Variants in PTPRE observed in about 807,000 individuals in gnomAD.
The protein encoded by PTPRE is protein tyrosine phosphatase receptor type E.
PTPRE carries 51 observed loss-of-function variants against 102.0 expected under a neutral mutation model. That is an observed-to-expected ratio of 0.50 (90% CI 0.40 to 0.63). The LOEUF is 0.63. PTPRE is among the 30% of genes least tolerant of loss of function. The pLI, the probability that PTPRE is intolerant of heterozygous loss-of-function variation, is 0.00. For synonymous variants in PTPRE, 345 were observed against 348.2 expected (o/e 0.99, Z 0.10); for missense variants, 752 against 915.1 (o/e 0.82, Z 2.30).
At chr10:127,957,313 G>A (rs1382744604) in intron 1 of PTPRE, among the ~76,000 whole-genome samples, 1 of 152,072 alleles carries the variant, frequency 6.6e-6, no homozygotes, top group Admixed American at 6.5e-5. Context: ...TCCCAGCACC[G>A]TATGTTGAAA....
chr10:128,019,731 G>C (rs567627378), intron 2 of PTPRE, among the ~76,000 whole-genome samples: 2 of 152,186 alleles, frequency 1.3e-5, no homozygotes, highest in Non-Finnish European at 2.9e-5. Context: ...TCTGTTGGGC[G>C]GGGAGCTCAG....
At chr10:128,033,951 C>T (rs1417955337) in intron 2 of PTPRE, among the ~76,000 whole-genome samples, 1 of 152,196 alleles carries the variant, frequency 6.6e-6, no homozygotes, top group African/African-American at 2.4e-5. Context: ...AGCCTCACAG[C>T]ATTTATAATT....
At chr10:128,025,999 G>A (rs1846261874) in intron 2 of PTPRE, among the ~76,000 whole-genome samples, 1 of 152,172 alleles carries the variant, frequency 6.6e-6, no homozygotes, top group Non-Finnish European at 1.5e-5. Flanking sequence ...ATCTCCCAGG[G>A]TGTGCTCAGA....
intron 6 of PTPRE, among the ~76,000 whole-genome samples, chr10:128,049,978 G>T (rs1022949843): frequency 1.3e-5 from 2 of 152,214 alleles, no homozygotes; most frequent in Admixed American, 6.5e-5. Context: ...CAGAAGGCTA[G>T]GACCTGAGCG....
At chr10:127,973,750 G>A (rs933091366) in intron 1 of PTPRE, among the ~76,000 whole-genome samples, 3 of 152,126 alleles carry the variant, frequency 2.0e-5, no homozygotes, top group African/African-American at 7.2e-5. Flanking sequence ...GCCTGTGAAG[G>A]ATGCATCATT....
In PTPRE at chr10:128,042,658, CT is replaced by C. The variant is rs1847804202; in HGVS notation, c.109+1669del. Among the ~76,000 whole-genome samples, 11 of 152,282 alleles carry C rather than the reference CT, an allele frequency of 7.2e-5. No homozygotes were observed. In the South Asian group the frequency reaches 2.3e-3, roughly 32 times the overall value. On this transcript the variant is annotated intron_variant, in intron 3 of 20. Coordinates refer to ENST00000254667, the MANE Select transcript of PTPRE (RefSeq NM_006504.6). The stretch of plus-strand genomic sequence containing the variant: ...TGCCCTTTAAATCTTCATCTGACCC[CT>C]GGAAGAAGTATGAAGGACCATTTCA...
intron 1 of PTPRE, among the ~76,000 whole-genome samples, chr10:127,920,954 T>C (rs1048778350): frequency 1.3e-5 from 2 of 152,194 alleles, no homozygotes; most frequent in African/African-American, 2.4e-5. Context: ...GACATGAGTC[T>C]CCTTGGCTCT....
intron 1 of PTPRE, among the ~76,000 whole-genome samples, chr10:127,928,110 C>G (rs2135219166): frequency 6.6e-6 from 1 of 152,322 alleles, no homozygotes; most frequent in East Asian, 1.9e-4. Context: ...TGGTGACCGT[C>G]AGATTTATAG....
intron 18 of PTPRE, among the ~76,000 whole-genome samples, chr10:128,077,291 C>A (rs1851286242): frequency 6.6e-6 from 1 of 152,202 alleles, no homozygotes; most frequent in Non-Finnish European, 1.5e-5. Context: ...AATGCAGGGC[C>A]CTGGTTTCTT....
At position 128,085,622 on chromosome 10, in the gene PTPRE, A is replaced by T. The variant is rs905543975; in HGVS notation, c.*2716A>T. On this transcript the variant is annotated 3_prime_UTR_variant, in exon 21 of 21. Coordinates refer to ENST00000254667, the MANE Select transcript of PTPRE (RefSeq NM_006504.6). ...CCCCATGTTATTCTTTTAAGTGTAT[A>T]ATTACTGATACTTTTTTGTTTGTTT... 1.3e-5 allele frequency: 2 copies of T among 152,646 alleles called. No individual in the cohort carries two copies. The highest frequency in any genetic ancestry group is 4.8e-5 in the African/African-American group (2 of 41,424). The allele number at this position is 152,646 out of a possible 1,614,324, so 9.5% of individuals were successfully genotyped here. A position where few individuals can be genotyped will look rare whatever the true frequency, so the allele number is the denominator to read the frequency against.
At chr10:128,009,751 G>A (rs1844821244) in intron 2 of PTPRE, among the ~76,000 whole-genome samples, 1 of 152,202 alleles carries the variant, frequency 6.6e-6, no homozygotes, top group African/African-American at 2.4e-5. Context: ...GGCTTTCCCA[G>A]CTCCTTCATT....
chr10:128,084,121 A>G lies in PTPRE; in HGVS notation c.*1215A>G, dbSNP rs1460036123. On this transcript the variant is annotated 3_prime_UTR_variant, in exon 21 of 21. Transcript: ENST00000254667. ...GGATAACAGTAATGATCCCATTACC[A>G]GATAAGATTGACTGACGGGGAAAAA... The G allele has an allele frequency of 6.8e-6, 1 of 146,852 alleles. No individual in the cohort carries two copies. The highest frequency in any genetic ancestry group is 7.0e-5 in the Admixed American group (1 of 14,352). 9.1% of individuals were successfully genotyped at this position (146,852 alleles called of 1,614,324 possible). A position where few individuals can be genotyped will look rare whatever the true frequency, so the allele number is the denominator to read the frequency against.
At position 127,907,640 on chromosome 10, in the gene PTPRE, C is replaced by A. The variant is rs1244330727; in HGVS notation, c.-31+331C>A. 6.6e-6 allele frequency among the ~76,000 whole-genome samples: 1 copy of A among 152,032 alleles called. No individual in the cohort carries two copies. Among genetic ancestry groups the A allele is most frequent in the South Asian group, 2.1e-4 (1 of 4,822 alleles). On this transcript the variant is annotated intron_variant, in intron 1 of 20. Coordinates refer to ENST00000254667, the MANE Select transcript of PTPRE (RefSeq NM_006504.6). This position sits in a 1 kb window ranked among gnomAD's most constrained non-coding sequence, Gnocchi z 4.8. ...GCGGGTGGCTACAGTGCGCGGGGGCCGGCGGCAGGGCGGCGTACGTGAAAG... is the reference window on the plus strand; with the variant it reads ...GCGGGTGGCTACAGTGCGCGGGGGCAGGCGGCAGGGCGGCGTACGTGAAAG...
At chr10:127,915,096 T>C (rs1386342796) in intron 1 of PTPRE, among the ~76,000 whole-genome samples, 7 of 152,220 alleles carry the variant, frequency 4.6e-5, no homozygotes, top group African/African-American at 1.7e-4. Context: ...GTACTTACTT[T>C]AATGAATAGA....
intron 1 of PTPRE, among the ~76,000 whole-genome samples, chr10:127,968,184 T>A (rs1227022417): frequency 6.6e-6 from 1 of 152,218 alleles, no homozygotes; most frequent in Non-Finnish European, 1.5e-5. Flanking sequence ...GGCATATCTA[T>A]GAATTCAACA....
chr10:128,066,016 G>A (rs1019144056), intron 10 of PTPRE, 59 bp from the exon 11 acceptor site: 3 of 1,612,972 alleles, frequency 1.9e-6, no homozygotes, highest in Non-Finnish European at 2.5e-6. Context: ...TGGGTGGGGG[G>A]ATGTCATGAT....
At chr10:127,957,794 C>G (rs918797183) in intron 1 of PTPRE, among the ~76,000 whole-genome samples, 5 of 152,218 alleles carry the variant, frequency 3.3e-5, no homozygotes, top group African/African-American at 1.2e-4. Flanking sequence ...AGTGAAAGAA[C>G]TGACATCCTG....
chr10:128,018,122 A>AG (rs1308982401), intron 2 of PTPRE, among the ~76,000 whole-genome samples: 1 of 145,738 alleles, frequency 6.9e-6, no homozygotes, highest in Non-Finnish European at 1.5e-5. Flanking sequence ...AGCAACTGAG[A>AG]GGGGTGCCTG....
intron 6 of PTPRE, among the ~76,000 whole-genome samples, chr10:128,050,520 T>TCCC (rs1186727537): frequency 6.6e-6 from 1 of 152,158 alleles, no homozygotes; most frequent in Non-Finnish European, 1.5e-5. Flanking sequence ...CAAACAGATA[T>TCCC]GAGGAAGTAT....
Sources: allele counts gnomAD v4.1 joint callset (sites outside exome capture counted in the v4.1 genomes callset), GRCh38; gene constraint gnomAD v4.1.1; non-coding constraint Gnocchi (gnomAD v3.1); transcripts MANE v1.5; gene names NCBI Gene and HGNC (gene_info 2026-07-23, HGNC 2026-07-21).